The following MAP2K2 variants were observed in gnomAD, a reference collection of about 807,000 sequenced individuals.
MAP2K2 encodes mitogen-activated protein kinase kinase 2, also known as dual specificity mitogen-activated protein kinase kinase 2.
A neutral mutation model predicts 43.7 loss-of-function variants in MAP2K2; 24 were observed. The ratio of observed to expected loss-of-function variants is 0.55; its 90% CI spans 0.40 to 0.77. MAP2K2 has a LOEUF of 0.77. Ranked by LOEUF, MAP2K2 falls within the 30% of genes least tolerant of loss-of-function variation. The probability of loss-of-function intolerance (pLI) is 0.00; values close to 1 mark genes in which losing one functional copy is unlikely to be tolerated. For missense variants in MAP2K2, 470 were observed against 566.8 expected, an observed-to-expected ratio of 0.83 and a Z score of 1.73; for synonymous variants, 244 against 239.7, an observed-to-expected ratio of 1.02 and a Z score of -0.17.
chr19:4,117,533 C>T lies in MAP2K2; in HGVS notation c.189G>A (p.Lys63=), dbSNP rs2145080406. Residue 63 remains lysine (K), a synonymous_variant, in exon 2 of 11, where the codon AAG becomes AAA. Coordinates refer to ENST00000262948, the MANE Select transcript of MAP2K2 (RefSeq NM_030662.4). ...AGTCATCGTCTTTGAGTTCGCCGAC[C>T]TTGGCTTTCTGGGTGAGAAAGGCTT... is the stretch of plus-strand genomic sequence containing the variant. ...RLEAFLTQKA[K]VGELKDDDFE... 6.2e-7 allele frequency: 1 copy of T among 1,614,160 alleles called. No individual in the cohort carries two copies. The highest frequency in any genetic ancestry group is 1.1e-5 in the South Asian group (1 of 91,088).
intron 2 of MAP2K2, among the ~76,000 whole-genome samples, chr19:4,111,319 CA>C (rs1204247659): frequency 2.0e-5 from 3 of 152,120 alleles, no homozygotes; most frequent in Non-Finnish European, 4.4e-5. Flanking sequence ...CAAAAAAGAC[CA>C]ATTAAGCAAA....
chr19:4,117,592 G>A lies in MAP2K2; in HGVS notation c.130C>T (p.Leu44=). Residue 44 remains leucine, a synonymous_variant, in exon 2 of 11, where the codon CTG becomes TTG. Transcript: ENST00000262948. ...TTCTTCTGCTGCTCGTCAAGTTCCA[G>A]CTCCTCCAGCTTCTTCTGCAGGTCC... is the stretch of plus-strand genomic sequence containing the variant. ...LVDLQKKLEE[L]ELDEQQKKRL... is the part of the protein sequence containing the mutation. The A allele has an allele frequency of 6.2e-7, 1 of 1,614,096 alleles. No homozygotes were observed.
Position 4,123,862 on chromosome 19 carries a change from C to A in MAP2K2, c.14G>T (p.Arg5Met). 6.7e-7 allele frequency: 1 copy of A among 1,502,006 alleles called. No homozygotes were observed. The highest frequency in any genetic ancestry group is 8.9e-7 in the Non-Finnish European group (1 of 1,126,356). The allele number at this position is 1,502,006 out of a possible 1,614,324, so 93.0% of individuals were successfully genotyped here. The change falls in exon 1 of 11, where the codon AGG (arginine) becomes ATG (methionine). Residue 5 changes from arginine to methionine, a missense_variant. Coordinates refer to ENST00000262948, the MANE Select transcript of MAP2K2 (RefSeq NM_030662.4). ...GGTGAGCGCCGGCAGCACCGGCTTCCTCCGGGCCAGCATCGGGGCTCCGCG... is the reference window on the plus strand; with the variant it reads ...GGTGAGCGCCGGCAGCACCGGCTTCATCCGGGCCAGCATCGGGGCTCCGCG... MLAR[R>M]KPVLPALTIN...
At chr19:4,102,945 C>T (rs138455868) in intron 3 of MAP2K2, 26 of 1,103,748 alleles carry the variant, frequency 2.4e-5, no homozygotes, top group South Asian at 7.0e-5. Flanking sequence ...GGTGCTGCCC[C>T]GCGTGGGAGG....
At chr19:4,094,653 G>A in intron 9 of MAP2K2, 155 bp from the exon 10 acceptor site, 1 of 717,072 alleles carries the variant, frequency 1.4e-6, no homozygotes, top group Non-Finnish European at 2.4e-6. Flanking sequence ...GCTCTGTTCT[G>A]CCTCCTGGCA....
chr19:4,090,682 C>G lies in MAP2K2; in HGVS notation c.1119G>C (p.Glu373Asp). Residue 373 changes from glutamate (E) to aspartate (D), a missense_variant, in exon 11 of 11, where the codon GAG becomes GAC. Around this residue, in one of 3 missense-constraint regions of MAP2K2, gnomAD observed 212 missense variants for 220.8 expected, o/e 0.96. Coordinates refer to ENST00000262948, the MANE Select transcript of MAP2K2 (RefSeq NM_030662.4). Reference protein sequence around the residue: ...LTNHTFIKRSEVEEVDFAGWL... With the variant: ...LTNHTFIKRSDVEEVDFAGWL... ...AGCCGGCAAAATCCACTTCTTCCAC[C>G]TCGGACCGCTTGATGAAGGTGTGGT... is the stretch of plus-strand genomic sequence containing the variant. 6.4e-7 allele frequency: 1 copy of G among 1,559,014 alleles called. No individual in the cohort carries two copies.
In MAP2K2 at chr19:4,097,290, T is replaced by G. The variant is rs775489626; in HGVS notation, c.973A>C (p.Ile325Leu). 3 of 1,576,140 alleles carry G rather than the reference T, an allele frequency of 1.9e-6. No individual in the cohort carries two copies. Among genetic ancestry groups the G allele is most frequent in the Non-Finnish European group, 2.6e-6 (3 of 1,160,628 alleles). ...CATCAAGCACAAACCTCGTTCACAA[T>G]ATAGTCCAGGAGTTCAAAGATGGCC... Reference protein sequence around the residue: ...AMAIFELLDYIVNEPPPKLPN... With the variant: ...AMAIFELLDYLVNEPPPKLPN... Residue 325 changes from isoleucine to leucine, a missense_variant, in exon 8 of 11, where the codon ATT becomes CTT. Physicochemically the swap from Ile to Leu is conservative, Grantham distance 5 (BLOSUM62 2). This residue lies in a region of MAP2K2 where 212 missense variants were observed against 220.8 expected (regional missense o/e 0.96). Coordinates refer to ENST00000262948, the MANE Select transcript of MAP2K2 (RefSeq NM_030662.4).
intron 3 of MAP2K2, among the ~76,000 whole-genome samples, chr19:4,109,728 A>G (rs2145068212): frequency 1.3e-5 from 2 of 152,208 alleles, no homozygotes; most frequent in South Asian, 4.1e-4. Context: ...CTCCCACCTC[A>G]GCCTCCCAAA....
chr19:4,111,701 T>C lies in MAP2K2; in HGVS notation c.304-1046A>G, dbSNP rs1004712792. Among the ~76,000 whole-genome samples the C allele has an allele frequency of 5.9e-5, 9 of 152,312 alleles. No individual in the cohort carries two copies. The South Asian group carries it at 1.4e-3, about 25-fold the overall frequency. On this transcript the variant is annotated intron_variant, in intron 2 of 10. Coordinates refer to ENST00000262948, the MANE Select transcript of MAP2K2 (RefSeq NM_030662.4). ...CCTGGTGTGTGGCTCACGCCTGTAA[T>C]CCCGCACTCCGGGAGGCTGAGGTGG... is the stretch of plus-strand genomic sequence containing the variant.
At chr19:4,104,895 G>C (rs1427144688) in intron 3 of MAP2K2, 1 of 152,402 alleles carries the variant, frequency 6.6e-6, no homozygotes, top group East Asian at 1.9e-4. Context: ...GCGCTGAGTA[G>C]CGTCCCTGGC....
At chr19:4,102,495 G>A (rs1398306437) in intron 3 of MAP2K2, 42 bp from the exon 4 acceptor site, 2 of 1,470,496 alleles carry the variant, frequency 1.4e-6, no homozygotes, top group African/African-American at 1.4e-5. Context: ...CTGCGCAGGT[G>A]GCCGGGAAGC....
At chr19:4,113,767 T>C (rs1488431519) in intron 2 of MAP2K2, among the ~76,000 whole-genome samples, 4 of 151,528 alleles carry the variant, frequency 2.6e-5, no homozygotes, top group African/African-American at 9.7e-5. Context: ...AGGGGTGGGG[T>C]TGGGGGATTC....
intron 1 of MAP2K2, among the ~76,000 whole-genome samples, chr19:4,120,267 G>C (rs1333620955): frequency 6.6e-6 from 1 of 152,168 alleles, no homozygotes; most frequent in Non-Finnish European, 1.5e-5. Context: ...TGGGACAGAA[G>C]GTAAGGAGGG....
intron 2 of MAP2K2, among the ~76,000 whole-genome samples, chr19:4,113,049 C>T (rs747967743): frequency 1.1e-4 from 16 of 152,314 alleles, no homozygotes; most frequent in African/African-American, 2.9e-4. Context: ...CTGTCTTGGA[C>T]GGCTCAGTTC....
chr19:4,111,235 A>G (rs983052008), intron 2 of MAP2K2, among the ~76,000 whole-genome samples: 1 of 152,276 alleles, frequency 6.6e-6, no homozygotes, highest in East Asian at 1.9e-4. Context: ...TGAATATCCT[A>G]CAATCCACTG....
At chr19:4,112,821 C>A (rs1039971467) in intron 2 of MAP2K2, among the ~76,000 whole-genome samples, 8 of 152,226 alleles carry the variant, frequency 5.3e-5, no homozygotes, top group Admixed American at 5.2e-4. Flanking sequence ...CTCTCCCCTC[C>A]AGCCAGGCTG....
At chr19:4,111,939 G>C (rs1291696065) in intron 2 of MAP2K2, among the ~76,000 whole-genome samples, 1 of 152,068 alleles carries the variant, frequency 6.6e-6, no homozygotes, top group Admixed American at 6.5e-5. Context: ...GGGGACAAGA[G>C]CGAGACTTTG....
chr19:4,108,887 G>A (rs2041121762), intron 3 of MAP2K2, among the ~76,000 whole-genome samples: 1 of 152,186 alleles, frequency 6.6e-6, no homozygotes, highest in South Asian at 2.1e-4. Context: ...CAGAGGGGCT[G>A]CCTCAGACCA....
At chr19:4,114,085 G>T (rs1361451642) in intron 2 of MAP2K2, among the ~76,000 whole-genome samples, 2 of 152,196 alleles carry the variant, frequency 1.3e-5, no homozygotes, top group African/African-American at 4.8e-5. Flanking sequence ...TTCAGGCCAG[G>T]AGTTCAACAC....
Sources: allele counts gnomAD v4.1 joint callset (sites outside exome capture counted in the v4.1 genomes callset), GRCh38; gene constraint gnomAD v4.1.1; regional missense constraint gnomAD v4.1.1; transcripts MANE v1.5; gene names NCBI Gene and HGNC (gene_info 2026-07-23, HGNC 2026-07-21).